Variants in DGKI observed in about 807,000 individuals in gnomAD.
DGKI encodes diacylglycerol kinase iota.
In DGKI, 55 loss-of-function variants were observed where a neutral mutation model predicts 147.5. That is an observed-to-expected ratio of 0.37 (90% CI 0.30 to 0.47). DGKI has a LOEUF of 0.47. Ranked by LOEUF, DGKI falls within the 20% of genes least tolerant of loss-of-function variation. DGKI has a pLI of 1.00. For synonymous variants in DGKI, 469 were observed against 477.1 expected, an observed-to-expected ratio of 0.98 and a Z score of 0.22; for missense variants, 1,007 against 1,323.8, an observed-to-expected ratio of 0.76 and a Z score of 3.71.
intron 1 of DGKI, among the ~76,000 whole-genome samples, chr7:137,772,763 C>T (rs1214653395): frequency 1.3e-5 from 2 of 152,230 alleles, no homozygotes; most frequent in African/African-American, 2.4e-5. Flanking sequence ...TGTATTCATA[C>T]ATTCAACAAA....
At chr7:137,477,181 C>T (rs751926577) in intron 23 of DGKI, among the ~76,000 whole-genome samples, 5 of 152,106 alleles carry the variant, frequency 3.3e-5, no homozygotes, top group Admixed American at 2.0e-4. Context: ...CACTGTGTTC[C>T]CTGCTGCCTA....
At chr7:137,672,764 GTCTTTTTTTTTTTTT>G (rs1426109309) in intron 3 of DGKI, among the ~76,000 whole-genome samples, 1,489 of 106,692 alleles carry the variant, frequency 0.014, 23 homozygotes, top group South Asian at 0.051. Flanking sequence ...GTCTCTGTGT[GTCTTTTTTTTTTTTT>G]TTTTTTTTTT....
rs374627334 is a variant in DGKI, at chr7:137,542,512, A to G, written c.2147+9857T>C. 3.9e-5 allele frequency among the ~76,000 whole-genome samples: 6 copies of G among 152,336 alleles called. No homozygotes were observed. The South Asian group carries it at 1.0e-3, about 26-fold the overall frequency. On this transcript the variant is annotated intron_variant, in intron 20 of 32. Transcript: ENST00000614521. ...GTGTTCAGTCAAAGAAGCCATCTAC[A>G]ATGGACTACACATTGTATACTTCCA...
intron 1 of DGKI, among the ~76,000 whole-genome samples, chr7:137,774,089 T>C (rs1385305133): frequency 6.6e-6 from 1 of 152,224 alleles, no homozygotes; most frequent in Non-Finnish European, 1.5e-5. Flanking sequence ...CACTTACACT[T>C]ACTTTCTTAA....
intron 6 of DGKI, among the ~76,000 whole-genome samples, chr7:137,633,315 A>G (rs1303873012): frequency 2.6e-5 from 4 of 152,066 alleles, no homozygotes; most frequent in Non-Finnish European, 4.4e-5. Context: ...TTTGTCCTCA[A>G]TTGTGTAAGT....
At chr7:137,456,216 T>C (rs1683988322) in intron 27 of DGKI, among the ~76,000 whole-genome samples, 1 of 152,194 alleles carries the variant, frequency 6.6e-6, no homozygotes, top group African/African-American at 2.4e-5. Flanking sequence ...TGTGTCTTTA[T>C]TATTTTGATC....
intron 1 of DGKI, among the ~76,000 whole-genome samples, chr7:137,711,083 A>C (rs1794195152): frequency 6.6e-6 from 1 of 152,180 alleles, no homozygotes; most frequent in African/African-American, 2.4e-5. Flanking sequence ...CTTTAAACTA[A>C]ACAGACTGAC....
intron 20 of DGKI, among the ~76,000 whole-genome samples, chr7:137,539,548 G>A (rs1302802340): frequency 6.6e-6 from 1 of 152,060 alleles, no homozygotes; most frequent in Non-Finnish European, 1.5e-5. Flanking sequence ...GCATAAGCCA[G>A]ACAGATAAGA....
chr7:137,494,449 C>A (rs769772312), intron 21 of DGKI, among the ~76,000 whole-genome samples: 2 of 152,114 alleles, frequency 1.3e-5, no homozygotes, highest in African/African-American at 2.4e-5. Context: ...ACAAAGGAAA[C>A]CCCATCAGGC....
chr7:137,705,893 G>C (rs991683629), intron 1 of DGKI, among the ~76,000 whole-genome samples: 2 of 152,014 alleles, frequency 1.3e-5, no homozygotes, highest in Admixed American at 6.6e-5. Flanking sequence ...AACCCTGAGA[G>C]AGGGTCAGGA....
At chr7:137,749,876 AG>A (rs940900196) in intron 1 of DGKI, among the ~76,000 whole-genome samples, 7 of 152,144 alleles carry the variant, frequency 4.6e-5, no homozygotes, top group African/African-American at 7.2e-5. Flanking sequence ...AGACATAGCC[AG>A]GGGTGGAACT....
intron 1 of DGKI, among the ~76,000 whole-genome samples, chr7:137,838,877 C>T (rs1798467644): frequency 6.6e-6 from 1 of 152,196 alleles, no homozygotes; most frequent in Middle Eastern, 3.2e-3. Context: ...GTAGCATCTG[C>T]GAAGCTTCTT....
intron 6 of DGKI, among the ~76,000 whole-genome samples, chr7:137,626,236 G>A (rs1820935694): frequency 1.3e-5 from 2 of 151,814 alleles, no homozygotes; most frequent in Admixed American, 1.3e-4. Flanking sequence ...CCCCTGATAT[G>A]TTCCTCTCCT....
At chr7:137,840,500 C>T (rs1047104591) in intron 1 of DGKI, among the ~76,000 whole-genome samples, 1 of 152,178 alleles carries the variant, frequency 6.6e-6, no homozygotes, top group Non-Finnish European at 1.5e-5. Flanking sequence ...ATGAGACAGA[C>T]AGAAAGAGAA....
chr7:137,635,068 G>A (rs982374988), intron 6 of DGKI, among the ~76,000 whole-genome samples: 1 of 152,162 alleles, frequency 6.6e-6, no homozygotes, highest in African/African-American at 2.4e-5. Context: ...GAAGATTATT[G>A]CACATTAATT....
chr7:137,445,995 A>G (rs1282422940), intron 27 of DGKI, among the ~76,000 whole-genome samples: 1 of 152,240 alleles, frequency 6.6e-6, no homozygotes, highest in Non-Finnish European at 1.5e-5. Context: ...CTTAGGTCAT[A>G]CTAGAATCAG....
intron 1 of DGKI, among the ~76,000 whole-genome samples, chr7:137,729,990 G>C (rs1409425648): frequency 1.3e-5 from 2 of 151,852 alleles, no homozygotes; most frequent in Non-Finnish European, 2.9e-5. Flanking sequence ...CTGACAATCA[G>C]TGTTTCCTGT....
chr7:137,767,901 G>A (rs73462653), intron 1 of DGKI, among the ~76,000 whole-genome samples: 8,701 of 152,198 alleles, frequency 0.057, 840 homozygotes, highest in African/African-American at 0.2. Flanking sequence ...CATAATAAAG[G>A]TGAGCTATTT....
In DGKI at chr7:137,569,728, C is replaced by CAAAAAAAAAAAAAAAAA. The variant is rs60719355; in HGVS notation, c.1947+1430_1947+1446dup. Among the ~76,000 whole-genome samples the CAAAAAAAAAAAAAAAAA allele has an allele frequency of 1.2e-4, 8 of 64,612 alleles. 2 individuals carry two copies. Among genetic ancestry groups the CAAAAAAAAAAAAAAAAA allele is most frequent in the Non-Finnish European group, 1.4e-4 (5 of 34,852 alleles). 42.4% of individuals were successfully genotyped at this position (64,612 alleles called of 152,430 possible). A position where few individuals can be genotyped will look rare whatever the true frequency, so the allele number is the denominator to read the frequency against. ...TGGGCAACAGAGTGAGACTCTGTCTCAAAAAAAAAAAAAAAAAAAAAAAAA... is the reference window on the plus strand; with the variant it reads ...TGGGCAACAGAGTGAGACTCTGTCTCAAAAAAAAAAAAAAAAAAAAAAAAAAAAAAAAAAAAAAAAAA... On this transcript the variant is annotated intron_variant, in intron 19 of 32. Coordinates refer to ENST00000614521, the MANE Select transcript of DGKI (RefSeq NM_001321708.2).
Sources: allele counts gnomAD v4.1 joint callset (sites outside exome capture counted in the v4.1 genomes callset), GRCh38; gene constraint gnomAD v4.1.1; transcripts MANE v1.5; gene names NCBI Gene and HGNC (gene_info 2026-07-23, HGNC 2026-07-21).